The following AK5 variants were observed in gnomAD, a reference collection of about 807,000 sequenced individuals.
AK5 encodes the protein adenylate kinase isoenzyme 5.
In AK5, 27 loss-of-function variants were observed where a neutral mutation model predicts 69.5. The ratio of observed to expected loss-of-function variants is 0.39; its 90% CI spans 0.29 to 0.54. The LOEUF is 0.54. Among genes scored for constraint, AK5 ranks in the 20% least tolerant of loss-of-function variants. The probability of loss-of-function intolerance (pLI) is 0.71; values close to 1 mark genes in which losing one functional copy is unlikely to be tolerated. For missense variants in AK5, 531 were observed against 700.4 expected, an observed-to-expected ratio of 0.76 and a Z score of 2.73; for synonymous variants, 260 against 244.4, an observed-to-expected ratio of 1.06 and a Z score of -0.60.
chr1:77,542,919 A>G (rs941887137), intron 13 of AK5, among the ~76,000 whole-genome samples: 2 of 152,224 alleles, frequency 1.3e-5, no homozygotes, highest in African/African-American at 4.8e-5. Context: ...GATTAAAAAA[A>G]TAAAAAGAGA....
intron 1 of AK5, chr1:77,283,710 A>C (rs1005146570): frequency 2.9e-6 from 2 of 698,400 alleles, no homozygotes; most frequent in Non-Finnish European, 3.5e-6. Flanking sequence ...GCATAAGGAC[A>C]GGTCTTGAGA....
intron 8 of AK5, among the ~76,000 whole-genome samples, chr1:77,461,328 C>T (rs907559839): frequency 4.6e-5 from 7 of 151,738 alleles, no homozygotes; most frequent in East Asian, 2.0e-4. Flanking sequence ...CCACCGCACC[C>T]GGCCCTGTAT....
chr1:77,513,354 C>A (rs1416796960), intron 10 of AK5, among the ~76,000 whole-genome samples: 1 of 152,148 alleles, frequency 6.6e-6, no homozygotes, highest in Non-Finnish European at 1.5e-5. Context: ...CCCTGTCCAT[C>A]CTCCCCACTA....
chr1:77,440,991 C>T (rs147714259), intron 8 of AK5, among the ~76,000 whole-genome samples: 6,699 of 152,274 alleles, frequency 0.044, 207 homozygotes, highest in Non-Finnish European at 0.067. Context: ...TCAGGTAATT[C>T]ACCTGCCTTG....
At chr1:77,443,677 CTGTGTGTG>C (rs71244408) in intron 8 of AK5, among the ~76,000 whole-genome samples, 175 of 134,112 alleles carry the variant, frequency 1.3e-3, no homozygotes, top group South Asian at 2.6e-3. Context: ...TGTGGGGAGT[CTGTGTGTG>C]TGTGTGTGTG....
chr1:77,425,954 A>G (rs1011164859), intron 8 of AK5, among the ~76,000 whole-genome samples: 1 of 152,206 alleles, frequency 6.6e-6, no homozygotes, highest in African/African-American at 2.4e-5. Context: ...AGGACAACCA[A>G]TTTAAAAAGT....
At chr1:77,422,659 G>A (rs1336181088) in intron 8 of AK5, among the ~76,000 whole-genome samples, 1 of 151,984 alleles carries the variant, frequency 6.6e-6, no homozygotes, top group African/African-American at 2.4e-5. Flanking sequence ...CTTGTCACAG[G>A]TTTGGTTCAC....
chr1:77,547,016 G>A (rs1402017004), intron 13 of AK5, among the ~76,000 whole-genome samples: 1 of 152,176 alleles, frequency 6.6e-6, no homozygotes, highest in Non-Finnish European at 1.5e-5. Context: ...AGACTAAAGA[G>A]CAAGATTGAA....
At chr1:77,329,818 T>A (rs1357095154) in intron 5 of AK5, among the ~76,000 whole-genome samples, 2 of 152,142 alleles carry the variant, frequency 1.3e-5, no homozygotes, top group African/African-American at 4.8e-5. Context: ...TGCCGTGCTA[T>A]TGTCACAAAA....
At chr1:77,477,378 A>G (rs966393558) in intron 8 of AK5, among the ~76,000 whole-genome samples, 1 of 152,094 alleles carries the variant, frequency 6.6e-6, no homozygotes, top group Non-Finnish European at 1.5e-5. Context: ...TCTGCCCCTC[A>G]ATGAAGTGAA....
At chr1:77,326,955 C>A (rs893898847) in intron 5 of AK5, among the ~76,000 whole-genome samples, 1 of 152,140 alleles carries the variant, frequency 6.6e-6, no homozygotes, top group Non-Finnish European at 1.5e-5. Flanking sequence ...AATTCATGAA[C>A]ATAGTAGTCA....
chr1:77,386,552 G>A (rs1245156798), intron 6 of AK5, among the ~76,000 whole-genome samples: 1 of 152,062 alleles, frequency 6.6e-6, no homozygotes, highest in East Asian at 1.9e-4. Context: ...AAAGGGTGGG[G>A]GAAAATCATT....
chr1:77,537,481 T>C (rs1332087389), intron 13 of AK5, among the ~76,000 whole-genome samples: 2 of 151,896 alleles, frequency 1.3e-5, no homozygotes, highest in Non-Finnish European at 2.9e-5. Flanking sequence ...TTATGGGGAA[T>C]GGATGCAAGA....
chr1:77,361,258 A>G (rs1646857553), intron 6 of AK5, among the ~76,000 whole-genome samples: 1 of 152,180 alleles, frequency 6.6e-6, no homozygotes, highest in Admixed American at 6.5e-5. Context: ...TTGGTTCTTA[A>G]GTATTTCCTG....
intron 7 of AK5, among the ~76,000 whole-genome samples, chr1:77,414,443 T>C (rs1029925681): frequency 8.5e-5 from 13 of 152,072 alleles, no homozygotes; most frequent in African/African-American, 3.1e-4. Flanking sequence ...AAACTTTGAG[T>C]TAAAGATCCA....
intron 6 of AK5, among the ~76,000 whole-genome samples, chr1:77,358,018 T>TGTGAGAGA (rs762714026): frequency 7.8e-6 from 1 of 128,178 alleles, no homozygotes; most frequent in Non-Finnish European, 1.7e-5. Context: ...TGTGTGTGTG[T>TGTGAGAGA]GAGAGAGAGA....
intron 10 of AK5, among the ~76,000 whole-genome samples, chr1:77,513,525 A>G (rs921315915): frequency 3.3e-5 from 5 of 152,258 alleles, no homozygotes; most frequent in African/African-American, 1.2e-4. Context: ...GGAGTTAGTA[A>G]GATGCAATAA....
chr1:77,489,723 A>T (rs1655857671), intron 10 of AK5, among the ~76,000 whole-genome samples: 1 of 152,238 alleles, frequency 6.6e-6, no homozygotes. Context: ...GACAAAATTA[A>T]TATGCCTAAA....
intron 8 of AK5, among the ~76,000 whole-genome samples, chr1:77,469,045 G>A (rs537915710): frequency 1.3e-5 from 2 of 152,326 alleles, no homozygotes; most frequent in East Asian, 3.9e-4. Context: ...AGTAAGAAGT[G>A]CTGCATATGC....
Sources: gnomAD v4.1 joint callset for allele counts (sites outside exome capture counted in the v4.1 genomes callset) on GRCh38, gnomAD v4.1.1 for gene constraint, MANE v1.5 for transcripts, NCBI Gene and HGNC (gene_info 2026-07-23, HGNC 2026-07-21) for gene names.